COMMD10: variants seen among roughly 807,000 people sequenced by gnomAD.
COMMD10 encodes the protein COMM domain containing 10.
A neutral mutation model predicts 28.9 loss-of-function variants in COMMD10; 33 were observed. That is an observed-to-expected ratio of 1.14 (90% CI 0.87 to 1.53). COMMD10 has a LOEUF of 1.53. Among genes scored for constraint, COMMD10 ranks in the 40% most tolerant of loss-of-function variants. The probability of loss-of-function intolerance (pLI) is 0.00; values close to 1 mark genes in which losing one functional copy is unlikely to be tolerated. For synonymous variants in COMMD10, 110 were observed against 81.7 expected (o/e 1.35, Z -1.87); for missense variants, 310 against 233.4 (o/e 1.33, Z -2.14).
chr5:116,152,821 T>A (rs1752576634), intron 5 of COMMD10, among the ~76,000 whole-genome samples: 1 of 152,090 alleles, frequency 6.6e-6, no homozygotes, highest in African/African-American at 2.4e-5. Flanking sequence ...TTCTAAAGTA[T>A]AAGAAAATAT....
intron 5 of COMMD10, among the ~76,000 whole-genome samples, chr5:116,217,150 G>GA (rs199820861): frequency 6.7e-5 from 9 of 134,854 alleles, no homozygotes; most frequent in South Asian, 2.3e-4. Context: ...GTATGAAGAA[G>GA]AAAAAAAAAA....
chr5:116,085,044 A>G lies in COMMD10; in HGVS notation c.-9A>G. On this transcript the variant is annotated 5_prime_UTR_variant, in exon 1 of 7. Coordinates refer to ENST00000274458, the MANE Select transcript of COMMD10 (RefSeq NM_016144.4). ...GCTAACAGACGGCGGCAGTGCGAGA[A>G]AGCCGAAGATGGCGGTCCCCGCGGC... 6.2e-7 allele frequency: 1 copy of G among 1,607,160 alleles called. No individual in the cohort carries two copies. Among genetic ancestry groups the G allele is most frequent in the South Asian group, 1.1e-5 (1 of 89,740 alleles).
chr5:116,291,663 C>A, intron 6 of COMMD10, 87 bp downstream of exon 6: 1 of 731,374 alleles, frequency 1.4e-6, no homozygotes, highest in Non-Finnish European at 2.2e-6. Flanking sequence ...TTTTAAATGT[C>A]ATATTATGGA....
chr5:116,267,090 T>G (rs2112692015), intron 5 of COMMD10, among the ~76,000 whole-genome samples: 1 of 151,998 alleles, frequency 6.6e-6, no homozygotes, highest in Non-Finnish European at 1.5e-5. Context: ...TTGGAAATTC[T>G]GGCCAGGGCA....
rs549061945 is a variant in COMMD10, at chr5:116,146,328, T to G, written c.510+12150T>G. On this transcript the variant is annotated intron_variant, in intron 5 of 6. Transcript: ENST00000274458. Reference sequence around the variant, plus strand: ...TGGAGATAGTAGAGTATTAATTTCATAATGAGCCCATTACCCCAGTGATAC... The same window carrying G: ...TGGAGATAGTAGAGTATTAATTTCAGAATGAGCCCATTACCCCAGTGATAC... 2.0e-5 allele frequency among the ~76,000 whole-genome samples: 3 copies of G among 151,972 alleles called. No homozygotes were observed. In the South Asian group the frequency reaches 6.2e-4, roughly 32 times the overall value.
intron 5 of COMMD10, among the ~76,000 whole-genome samples, chr5:116,220,512 G>C (rs1271145235): frequency 6.6e-6 from 1 of 152,020 alleles, no homozygotes; most frequent in Non-Finnish European, 1.5e-5. Context: ...GTCTGTATAG[G>C]TCAGAGTTTC....
At chr5:116,122,505 C>T (rs904413417) in intron 4 of COMMD10, among the ~76,000 whole-genome samples, 2 of 152,132 alleles carry the variant, frequency 1.3e-5, no homozygotes, top group African/African-American at 2.4e-5. Context: ...GTAGTTTTTC[C>T]AATTCTGTGA....
chr5:116,160,105 G>T (rs1752868194), intron 5 of COMMD10, among the ~76,000 whole-genome samples: 1 of 152,132 alleles, frequency 6.6e-6, no homozygotes, highest in Non-Finnish European at 1.5e-5. Flanking sequence ...TAGCAAACAA[G>T]AGGTTGTTTT....
chr5:116,153,676 C>T (rs1015344852), intron 5 of COMMD10, among the ~76,000 whole-genome samples: 17 of 151,982 alleles, frequency 1.1e-4, no homozygotes, highest in Non-Finnish European at 2.5e-4. Context: ...TAATTTGCAG[C>T]TTAATAAAGT....
chr5:116,122,249 C>T lies in COMMD10; in HGVS notation c.400-11819C>T, dbSNP rs540267319. Among the ~76,000 whole-genome samples, 290 of 152,268 alleles carry T rather than the reference C, an allele frequency of 1.9e-3. 3 individuals are homozygous for T. Among genetic ancestry groups the T allele is most frequent in the African/African-American group, 6.6e-3 (275 of 41,550 alleles). On this transcript the variant is annotated intron_variant, in intron 4 of 6. Coordinates refer to ENST00000274458, the MANE Select transcript of COMMD10 (RefSeq NM_016144.4). ...TTTATTAAATAGGGAATCCTTTCCC[C>T]ATTTCTTGTTTTTGTCAGGTTTGTC...
intron 5 of COMMD10, among the ~76,000 whole-genome samples, chr5:116,251,448 C>G (rs1580583711): frequency 7.7e-6 from 1 of 130,462 alleles, no homozygotes; most frequent in African/African-American, 2.8e-5. Flanking sequence ...CCCCTTCCCC[C>G]CACCACACAA....
chr5:116,123,810 G>C (rs1751523370), intron 4 of COMMD10, among the ~76,000 whole-genome samples: 1 of 151,968 alleles, frequency 6.6e-6, no homozygotes, highest in Non-Finnish European at 1.5e-5. Context: ...GGGTGTATGT[G>C]TCCAGGAATT....
intron 4 of COMMD10, among the ~76,000 whole-genome samples, chr5:116,109,979 C>T (rs78377706): frequency 0.029 from 4,370 of 152,080 alleles, 107 homozygotes; most frequent in East Asian, 0.14. Context: ...TTAACTTTTC[C>T]CTGTTCAGTG....
intron 5 of COMMD10, among the ~76,000 whole-genome samples, chr5:116,205,373 C>G (rs1334849941): frequency 1.3e-5 from 2 of 152,046 alleles, no homozygotes; most frequent in African/African-American, 4.8e-5. Context: ...AGTATACTAC[C>G]TATAGTAGCA....
rs905220759 is a variant in COMMD10 at position 116,280,092 on chromosome 5, G to A, written c.511-11425G>A. ...TATGTATTTTATGAGTTATTTCACC[G>A]TTATGGGCGCCATTTTCCTCATCTA... is the stretch of plus-strand genomic sequence containing the variant. On this transcript the variant is annotated intron_variant, in intron 5 of 6. Transcript: ENST00000274458. 1.8e-4 allele frequency among the ~76,000 whole-genome samples: 27 copies of A among 151,932 alleles called. 1 individual carries two copies. The highest frequency in any genetic ancestry group is 3.9e-4 in the East Asian group (2 of 5,174).
chr5:116,265,925 T>C (rs568232727), intron 5 of COMMD10, among the ~76,000 whole-genome samples: 3 of 151,766 alleles, frequency 2.0e-5, no homozygotes, highest in Non-Finnish European at 2.9e-5. Flanking sequence ...AGAAAAGTGG[T>C]AATACATATT....
intron 5 of COMMD10, among the ~76,000 whole-genome samples, chr5:116,179,965 A>G (rs1457623604): frequency 1.3e-5 from 2 of 152,078 alleles, no homozygotes; most frequent in Non-Finnish European, 2.9e-5. Context: ...ATTTCCATGG[A>G]CAGAAATAAA....
At chr5:116,127,004 G>A (rs1025468279) in intron 4 of COMMD10, among the ~76,000 whole-genome samples, 3 of 152,276 alleles carry the variant, frequency 2.0e-5, no homozygotes, top group African/African-American at 7.2e-5. Flanking sequence ...CAGAATAGGA[G>A]AAAATTTTTA....
intron 5 of COMMD10, among the ~76,000 whole-genome samples, chr5:116,230,520 A>C (rs1749503794): frequency 6.6e-6 from 1 of 152,082 alleles, no homozygotes; most frequent in South Asian, 2.1e-4. Context: ...TTAAGGAAAC[A>C]CAAATTTATG....
Sources: gnomAD v4.1 joint callset for allele counts (sites outside exome capture counted in the v4.1 genomes callset) on GRCh38, gnomAD v4.1.1 for gene constraint, MANE v1.5 for transcripts, NCBI Gene and HGNC (gene_info 2026-07-23, HGNC 2026-07-21) for gene names.